Variants in ZC3H3 observed in about 807,000 individuals in gnomAD.
The protein encoded by ZC3H3 is zinc finger CCCH domain-containing protein 3.
A neutral mutation model predicts 77.3 loss-of-function variants in ZC3H3; 36 were observed. The observed-to-expected ratio is 0.47, with a 90% CI of 0.36 to 0.61. The LOEUF (loss-of-function observed/expected upper bound fraction) is 0.61, where lower values mean the gene tolerates loss of function less well. Among genes scored for constraint, ZC3H3 ranks in the 20% least tolerant of loss-of-function variants. The probability of loss-of-function intolerance (pLI) is 0.00; values close to 1 mark genes in which losing one functional copy is unlikely to be tolerated. For missense variants in ZC3H3, 1,331 were observed against 1,312.2 expected, an observed-to-expected ratio of 1.01 and a Z score of -0.22; for synonymous variants, 626 against 555.2, an observed-to-expected ratio of 1.13 and a Z score of -1.79.
At chr8:143,484,482 A>T (rs1417995136) in intron 4 of ZC3H3, 1 of 155,966 alleles carries the variant, frequency 6.4e-6, no homozygotes, top group Non-Finnish European at 1.4e-5. Flanking sequence ...ATAAACAACA[A>T]GATGGAAAGT....
intron 9 of ZC3H3, among the ~76,000 whole-genome samples, chr8:143,453,302 T>C (rs536169953): frequency 6.6e-6 from 1 of 152,214 alleles, no homozygotes; most frequent in African/African-American, 2.4e-5. Flanking sequence ...TTGACCAGGC[T>C]AATCTCAAAC....
At chr8:143,519,080 C>A (rs569130356) in intron 3 of ZC3H3, among the ~76,000 whole-genome samples, 7 of 152,174 alleles carry the variant, frequency 4.6e-5, no homozygotes, top group Admixed American at 3.9e-4. Context: ...GCGAGCACTA[C>A]GCCGGCCTCC....
chr8:143,486,268 C>A (rs1047055320), intron 4 of ZC3H3, among the ~76,000 whole-genome samples: 1 of 152,270 alleles, frequency 6.6e-6, no homozygotes, highest in Non-Finnish European at 1.5e-5. Context: ...TGGGCGCCTA[C>A]GGCTGCCTGG....
chr8:143,475,658 C>T, intron 4 of ZC3H3, 73 bp from the exon 5 acceptor site: 1 of 1,464,378 alleles, frequency 6.8e-7, no homozygotes, highest in Non-Finnish European at 9.1e-7. Flanking sequence ...GTGCCAGGGG[C>T]CGAGCCCAGG....
chr8:143,526,000 C>T (rs1185667697), intron 3 of ZC3H3, among the ~76,000 whole-genome samples: 1 of 152,238 alleles, frequency 6.6e-6, no homozygotes, highest in Non-Finnish European at 1.5e-5. Context: ...GCCCAGGGTG[C>T]TGGCACTGGT....
At chr8:143,447,856 G>A (rs1355092849) in intron 9 of ZC3H3, among the ~76,000 whole-genome samples, 3 of 152,306 alleles carry the variant, frequency 2.0e-5, no homozygotes, top group Middle Eastern at 3.4e-3. Context: ...AGGGATGGCC[G>A]GGTGTCGTGG....
At chr8:143,513,020 G>A (rs1025914441) in intron 3 of ZC3H3, among the ~76,000 whole-genome samples, 8 of 152,092 alleles carry the variant, frequency 5.3e-5, no homozygotes, top group East Asian at 1.9e-4. Flanking sequence ...TGCAAGAGGC[G>A]GGGACAGCCT....
chr8:143,458,614 T>C (rs370780880), intron 9 of ZC3H3, among the ~76,000 whole-genome samples: 5 of 114,060 alleles, frequency 4.4e-5, no homozygotes, highest in Admixed American at 2.7e-4. Context: ...CTGGGCGCAG[T>C]GGCTCACGCC....
At chr8:143,507,630 C>G in intron 4 of ZC3H3, 116 bp downstream of exon 4, 1 of 1,217,678 alleles carries the variant, frequency 8.2e-7, no homozygotes, top group Non-Finnish European at 1.1e-6. Context: ...CAACACCAAG[C>G]AGTTCTGGGA....
chr8:143,465,218 G>A (rs1820375569), intron 9 of ZC3H3, among the ~76,000 whole-genome samples: 1 of 152,112 alleles, frequency 6.6e-6, no homozygotes, highest in Non-Finnish European at 1.5e-5. Context: ...CTCCACCCTT[G>A]CCAGCCACGG....
intron 4 of ZC3H3, among the ~76,000 whole-genome samples, chr8:143,478,954 G>A (rs1019649934): frequency 6.6e-6 from 1 of 152,220 alleles, no homozygotes; most frequent in Non-Finnish European, 1.5e-5. Context: ...AGCCCCTGCT[G>A]AGCCGTCCCG....
intron 10 of ZC3H3, 27 bp downstream of exon 10, chr8:143,440,909 C>T: frequency 7.1e-7 from 1 of 1,402,892 alleles, no homozygotes. Context: ...CCCAGGCTCA[C>T]ATGCACAGTG....
intron 3 of ZC3H3, among the ~76,000 whole-genome samples, chr8:143,535,786 C>A (rs1414150696): frequency 6.6e-6 from 1 of 152,244 alleles, no homozygotes; most frequent in Non-Finnish European, 1.5e-5. Context: ...GGAGACCAGA[C>A]CAATTCTTTC....
intron 3 of ZC3H3, among the ~76,000 whole-genome samples, chr8:143,525,091 C>T (rs1192717060): frequency 1.3e-5 from 2 of 152,282 alleles, no homozygotes; most frequent in African/African-American, 2.4e-5. Context: ...TCTCCGTGAG[C>T]CCCAAGGCCC....
At chr8:143,524,475 G>A (rs1323702425) in intron 3 of ZC3H3, among the ~76,000 whole-genome samples, 1 of 152,220 alleles carries the variant, frequency 6.6e-6, no homozygotes, top group Non-Finnish European at 1.5e-5. Flanking sequence ...AGAGCTCACC[G>A]CCAGCTGGTC....
At chr8:143,504,682 C>T (rs1821634226) in intron 4 of ZC3H3, among the ~76,000 whole-genome samples, 1 of 152,180 alleles carries the variant, frequency 6.6e-6, no homozygotes, top group South Asian at 2.1e-4. Flanking sequence ...CTCCCAGCAC[C>T]TGGGACCTTC....
rs1821271309 is a variant in ZC3H3 at position 143,493,831 on chromosome 8, T to A, written c.1715+13915A>T. On this transcript the variant is annotated intron_variant, in intron 4 of 11. Transcript: ENST00000262577. The surrounding 1 kb of genome is among the most constrained non-coding windows in gnomAD (Gnocchi z 4.8). ...CAGAGGCCAGTAATATTTTATATAA[T>A]CGCCGAGTGGTTTAAATTGAAAACC... Among the ~76,000 whole-genome samples the A allele has an allele frequency of 6.6e-6, 1 of 152,210 alleles. No homozygotes were observed. Among genetic ancestry groups the A allele is most frequent in the African/African-American group, 2.4e-5 (1 of 41,458 alleles).
chr8:143,512,766 C>T (rs1025216758), intron 3 of ZC3H3, among the ~76,000 whole-genome samples: 1 of 152,252 alleles, frequency 6.6e-6, no homozygotes, highest in African/African-American at 2.4e-5. Flanking sequence ...GCCCCACAGC[C>T]GCAAGAGGGC....
At position 143,538,582 on chromosome 8, in the gene ZC3H3, T is replaced by G; in HGVS notation, c.785A>C (p.Asp262Ala). ...VASCAPQLLG[D>A]RRVDAGHTDQ... is the part of the protein sequence containing the mutation. ...TGTGTGGCCAGCATCTACTCTCCTG[T>G]CCCCAAGGAGCTGTGGAGCACAGCT... The change falls in exon 2 of 12, where the codon GAC becomes GCC. Residue 262 changes from aspartate (D) to alanine (A), a missense_variant. Asp to Ala is a moderately radical substitution (Grantham distance 126). Around this residue, in one of 3 missense-constraint regions of ZC3H3, gnomAD observed 978 missense variants for 915.5 expected, o/e 1.07. Coordinates refer to ENST00000262577, the MANE Select transcript of ZC3H3 (RefSeq NM_015117.3). 1 of 1,610,664 alleles carries G rather than the reference T, an allele frequency of 6.2e-7. No individual in the cohort carries two copies. Among genetic ancestry groups the G allele is most frequent in the Non-Finnish European group, 8.5e-7 (1 of 1,179,998 alleles).
Sources: gnomAD v4.1 joint callset for allele counts (sites outside exome capture counted in the v4.1 genomes callset) on GRCh38, gnomAD v4.1.1 for gene constraint, gnomAD v4.1.1 regional missense constraint, Gnocchi (gnomAD v3.1) non-coding constraint, MANE v1.5 for transcripts, NCBI Gene and HGNC (gene_info 2026-07-23, HGNC 2026-07-21) for gene names.